Variants in KCND2 observed in about 807,000 individuals in gnomAD.
KCND2 encodes potassium voltage-gated channel subfamily D member 2, also known as A-type voltage-gated potassium channel KCND2.
KCND2 carries 16 observed loss-of-function variants against 54.4 expected under a neutral mutation model. The observed-to-expected ratio is 0.29, with a 90% CI of 0.20 to 0.45. KCND2 has a LOEUF of 0.45. Among genes scored for constraint, KCND2 ranks in the 20% least tolerant of loss-of-function variants. The probability of loss-of-function intolerance (pLI) is 1.00; values close to 1 mark genes in which losing one functional copy is unlikely to be tolerated. For synonymous variants in KCND2, 317 were observed against 310.7 expected, an observed-to-expected ratio of 1.02 and a Z score of -0.21; for missense variants, 486 against 824.2, an observed-to-expected ratio of 0.59 and a Z score of 5.02.
chr7:120,324,176 T>C (rs994153751), intron 1 of KCND2, among the ~76,000 whole-genome samples: 4 of 150,352 alleles, frequency 2.7e-5, no homozygotes, highest in Non-Finnish European at 4.5e-5. Flanking sequence ...TTTGTTTGAG[T>C]TCATTGTAGA....
intron 1 of KCND2, among the ~76,000 whole-genome samples, chr7:120,373,976 C>T (rs1800801943): frequency 6.6e-6 from 1 of 151,326 alleles, no homozygotes; most frequent in South Asian, 2.1e-4. Context: ...TTAATAAATC[C>T]AGAAATATAA....
At chr7:120,612,535 C>T (rs1291137572) in intron 1 of KCND2, among the ~76,000 whole-genome samples, 1 of 152,186 alleles carries the variant, frequency 6.6e-6, no homozygotes, top group African/African-American at 2.4e-5. Context: ...AATTGTTTTA[C>T]AAACTTTGTT....
intron 1 of KCND2, among the ~76,000 whole-genome samples, chr7:120,307,541 G>A (rs1799666164): frequency 6.6e-6 from 1 of 151,964 alleles, no homozygotes; most frequent in African/African-American, 2.4e-5. Flanking sequence ...CCAAGAACTG[G>A]AAGTTCCATA....
chr7:120,364,590 C>T (rs147697720), intron 1 of KCND2, among the ~76,000 whole-genome samples: 103 of 152,136 alleles, frequency 6.8e-4, no homozygotes, highest in Middle Eastern at 3.4e-3. Flanking sequence ...GGACTCAGCT[C>T]CCAATACAGC....
intron 1 of KCND2, among the ~76,000 whole-genome samples, chr7:120,518,130 A>C (rs1211199083): frequency 6.6e-6 from 1 of 152,190 alleles, no homozygotes; most frequent in Non-Finnish European, 1.5e-5. Flanking sequence ...GGAATTAAAA[A>C]ATGAACAGGA....
intron 1 of KCND2, among the ~76,000 whole-genome samples, chr7:120,308,479 G>C (rs1046300356): frequency 1.3e-5 from 2 of 152,128 alleles, no homozygotes; most frequent in Non-Finnish European, 2.9e-5. Context: ...AGTAAGTGAA[G>C]AAAAACTCAA....
At chr7:120,466,513 C>A (rs541197307) in intron 1 of KCND2, among the ~76,000 whole-genome samples, 10 of 152,170 alleles carry the variant, frequency 6.6e-5, no homozygotes, top group African/African-American at 2.4e-4. Context: ...TGGATCCCAG[C>A]CTTTCTTGCA....
intron 2 of KCND2, among the ~76,000 whole-genome samples, chr7:120,736,311 C>A (rs1792869705): frequency 1.3e-5 from 2 of 151,998 alleles, no homozygotes; most frequent in Admixed American, 1.3e-4. Context: ...ACATGGTTTA[C>A]CCCATTTCTA....
At chr7:120,457,116 C>T (rs572953119) in intron 1 of KCND2, among the ~76,000 whole-genome samples, 72 of 152,170 alleles carry the variant, frequency 4.7e-4, no homozygotes, top group Non-Finnish European at 9.6e-4. Context: ...GGCGTTAAGT[C>T]CCAAGGCTGC....
intron 1 of KCND2, among the ~76,000 whole-genome samples, chr7:120,483,559 T>C (rs1447803920): frequency 6.6e-6 from 1 of 151,952 alleles, no homozygotes; most frequent in Non-Finnish European, 1.5e-5. Flanking sequence ...TGGAGAAAGA[T>C]GGAAATAAAG....
intron 1 of KCND2, among the ~76,000 whole-genome samples, chr7:120,497,509 G>A (rs1448687500): frequency 6.6e-6 from 1 of 152,194 alleles, no homozygotes; most frequent in Non-Finnish European, 1.5e-5. Context: ...AAATGATAGA[G>A]ATTTATACTT....
intron 1 of KCND2, among the ~76,000 whole-genome samples, chr7:120,570,528 T>C (rs1376646407): frequency 6.6e-6 from 1 of 152,094 alleles, no homozygotes; most frequent in Non-Finnish European, 1.5e-5. Context: ...AAAAGAAATG[T>C]TTTAATAACA....
In KCND2 at chr7:120,449,728, T is replaced by C. The variant is rs182032157; in HGVS notation, c.1115+173981T>C. On this transcript the variant is annotated intron_variant, in intron 1 of 5. Coordinates refer to ENST00000331113, the MANE Select transcript of KCND2 (RefSeq NM_012281.3). Reference sequence around the variant, plus strand: ...AGTTGAAGATCAGAAAGTCCTTAGTTAAGCCTGCCACTCACTCTATAATTT... The same window carrying C: ...AGTTGAAGATCAGAAAGTCCTTAGTCAAGCCTGCCACTCACTCTATAATTT... Among the ~76,000 whole-genome samples, 231 of 152,330 alleles carry C rather than the reference T, an allele frequency of 1.5e-3. 5 individuals carry two copies. The highest frequency in any genetic ancestry group is 0.012 in the Admixed American group (189 of 15,302).
chr7:120,354,281 G>C (rs996614998), intron 1 of KCND2, among the ~76,000 whole-genome samples: 1 of 152,102 alleles, frequency 6.6e-6, no homozygotes, highest in Non-Finnish European at 1.5e-5. Context: ...GGACTTTTTT[G>C]ATAATATTGG....
In KCND2 at chr7:120,742,269, T is replaced by C. The variant is rs149541610; in HGVS notation, c.1375-241T>C. The C allele has an allele frequency of 8.8e-3, 4,255 of 485,490 alleles. 28 individuals carry two copies. Among genetic ancestry groups the C allele is most frequent in the Admixed American group, 0.015 (445 of 30,424 alleles). The allele number at this position is 485,490 out of a possible 1,614,324, so 30.1% of individuals were successfully genotyped here. A position where few individuals can be genotyped will look rare whatever the true frequency, so the allele number is the denominator to read the frequency against. ...CAAACATAGTTGCTAGTTGAATGAG[T>C]AAAAGAGATTTCAAATTTCAATTCA... On this transcript the variant is annotated intron_variant, in intron 3 of 5. Transcript: ENST00000331113.
chr7:120,316,920 C>T (rs938762568), intron 1 of KCND2, among the ~76,000 whole-genome samples: 1 of 151,946 alleles, frequency 6.6e-6, no homozygotes, highest in African/African-American at 2.4e-5. Context: ...ACAGCAACCT[C>T]TGCCTCCCGG....
intron 1 of KCND2, among the ~76,000 whole-genome samples, chr7:120,676,100 A>G (rs1209617775): frequency 6.6e-6 from 1 of 151,938 alleles, no homozygotes. Context: ...AGCCTCCCAA[A>G]TTGTTGAGAT....
chr7:120,538,396 A>T (rs1385908530), intron 1 of KCND2, among the ~76,000 whole-genome samples: 2 of 152,256 alleles, frequency 1.3e-5, no homozygotes, highest in African/African-American at 4.8e-5. Context: ...AATGTCACAT[A>T]GAGTCACAAA....
intron 1 of KCND2, among the ~76,000 whole-genome samples, chr7:120,497,171 C>T (rs1272326241): frequency 6.6e-6 from 1 of 152,136 alleles, no homozygotes; most frequent in East Asian, 1.9e-4. Flanking sequence ...ATATTGGTAA[C>T]ATTTAGAGAT....
Sources: allele counts gnomAD v4.1 joint callset (sites outside exome capture counted in the v4.1 genomes callset), GRCh38; gene constraint gnomAD v4.1.1; transcripts MANE v1.5; gene names NCBI Gene and HGNC (gene_info 2026-07-23, HGNC 2026-07-21).